The following EPHA6 variants were observed in gnomAD, a reference collection of about 807,000 sequenced individuals.
EPHA6 encodes the protein ephrin type-A receptor 6.
EPHA6 carries 50 observed loss-of-function variants against 112.0 expected under a neutral mutation model. The ratio of observed to expected loss-of-function variants is 0.45; its 90% confidence interval spans 0.36 to 0.56. The LOEUF (loss-of-function observed/expected upper bound fraction) is 0.56, where lower values mean the gene tolerates loss of function less well. Ranked by LOEUF, EPHA6 falls within the 20% of genes least tolerant of loss-of-function variation. EPHA6 has a pLI of 0.00. For synonymous variants in EPHA6, 529 were observed against 490.7 expected (o/e 1.08, Z -1.03); for missense variants, 1,280 against 1,417.4 (o/e 0.90, Z 1.56).
At chr3:97,198,506 C>T (rs1360164853) in intron 3 of EPHA6, among the ~76,000 whole-genome samples, 1 of 140,434 alleles carries the variant, frequency 7.1e-6, no homozygotes, top group African/African-American at 2.9e-5. Context: ...TTTTTGAGTC[C>T]ACGCAGACTG....
intron 5 of EPHA6, among the ~76,000 whole-genome samples, chr3:97,402,798 G>C (rs1293770462): frequency 3.3e-5 from 5 of 152,052 alleles, no homozygotes; most frequent in Admixed American, 6.5e-5. Flanking sequence ...TTTAAATGTA[G>C]TTTCTAAAGA....
chr3:97,480,041 T>A (rs2091484713), intron 9 of EPHA6, among the ~76,000 whole-genome samples: 1 of 152,178 alleles, frequency 6.6e-6, no homozygotes, highest in Non-Finnish European at 1.5e-5. Flanking sequence ...TTAACCACAG[T>A]GTAGAGATAA....
At chr3:97,536,435 C>T (rs2092765238) in intron 11 of EPHA6, among the ~76,000 whole-genome samples, 1 of 152,124 alleles carries the variant, frequency 6.6e-6, no homozygotes, top group African/African-American at 2.4e-5. Flanking sequence ...TAAAATAAAT[C>T]CTAAATCCAG....
At chr3:97,502,342 T>C (rs1372535764) in intron 10 of EPHA6, among the ~76,000 whole-genome samples, 1 of 151,606 alleles carries the variant, frequency 6.6e-6, no homozygotes, top group Non-Finnish European at 1.5e-5. Flanking sequence ...TTAATTTTTG[T>C]ATTTTTAGTA....
At chr3:97,185,665 G>A (rs991383406) in intron 3 of EPHA6, among the ~76,000 whole-genome samples, 11 of 152,010 alleles carry the variant, frequency 7.2e-5, no homozygotes, top group African/African-American at 2.7e-4. Context: ...CGATTCCTCA[G>A]GGATCTAGAA....
chr3:96,982,731 T>G (rs939158111), intron 2 of EPHA6, among the ~76,000 whole-genome samples: 10 of 151,944 alleles, frequency 6.6e-5, no homozygotes, highest in African/African-American at 1.7e-4. Context: ...TATGAATCTG[T>G]GTGCTTCTGT....
At chr3:97,239,909 T>C (rs2078792400) in intron 4 of EPHA6, among the ~76,000 whole-genome samples, 1 of 151,940 alleles carries the variant, frequency 6.6e-6, no homozygotes, top group South Asian at 2.1e-4. Flanking sequence ...AGGCTGAATA[T>C]GATGTAATAG....
intron 3 of EPHA6, among the ~76,000 whole-genome samples, chr3:96,989,427 TA>T (rs2043138258): frequency 6.6e-6 from 1 of 152,190 alleles, no homozygotes; most frequent in Non-Finnish European, 1.5e-5. Flanking sequence ...AGGTTATCAA[TA>T]TAGTTTATCA....
chr3:97,082,391 A>G (rs1424177407), intron 3 of EPHA6, among the ~76,000 whole-genome samples: 1 of 151,944 alleles, frequency 6.6e-6, no homozygotes, highest in Non-Finnish European at 1.5e-5. Context: ...ATTATATAAG[A>G]TCAGAAATGT....
chr3:97,234,235 T>G (rs1486091684), intron 4 of EPHA6, among the ~76,000 whole-genome samples: 1 of 152,090 alleles, frequency 6.6e-6, no homozygotes, highest in Non-Finnish European at 1.5e-5. Flanking sequence ...CCTAGCTGGT[T>G]TTGTTTATCT....
intron 11 of EPHA6, 46 bp downstream of exon 11, chr3:97,532,589 A>C: frequency 4.4e-5 from 65 of 1,484,278 alleles, no homozygotes; most frequent in Non-Finnish European, 5.4e-5. Context: ...CACCTATCTC[A>C]GTTTTTTTTT....
chr3:97,687,850 G>A (rs901649358), intron 14 of EPHA6, among the ~76,000 whole-genome samples: 10 of 152,134 alleles, frequency 6.6e-5, no homozygotes, highest in African/African-American at 2.4e-4. Flanking sequence ...CTCATCCTGG[G>A]ACCCAGGTTG....
intron 3 of EPHA6, among the ~76,000 whole-genome samples, chr3:97,213,646 G>A (rs78392633): frequency 0.011 from 1,727 of 151,210 alleles, 25 homozygotes; most frequent in African/African-American, 0.039. Context: ...GAGAACAATG[G>A]TAAACTTATC....
rs1448208852 is a variant in EPHA6 at position 97,753,847 on chromosome 3, G to GT, written c.*5148dup. Among the ~76,000 whole-genome samples the GT allele has an allele frequency of 2.0e-5, 3 of 151,314 alleles. No individual in the cohort carries two copies. The highest frequency in any genetic ancestry group is 2.9e-5 in the Non-Finnish European group (2 of 67,866). On this transcript the variant is annotated 3_prime_UTR_variant, in exon 18 of 18. Coordinates refer to ENST00000389672, the MANE Select transcript of EPHA6 (RefSeq NM_001080448.3). ...GTAAACACTCCATCTATTTCTTACT[G>GT]TTAAAAAAAAAGTACTGATGAGATG... is the stretch of plus-strand genomic sequence containing the variant.
intron 3 of EPHA6, among the ~76,000 whole-genome samples, chr3:97,078,080 A>G (rs2046595048): frequency 6.6e-6 from 1 of 152,010 alleles, no homozygotes; most frequent in Non-Finnish European, 1.5e-5. Flanking sequence ...TTTAATGATC[A>G]CCATTCTAAC....
rs191853175 is a variant in EPHA6, at chr3:97,321,678, G to T, written c.1606+77391G>T. Among the ~76,000 whole-genome samples, 526 of 151,228 alleles carry T rather than the reference G, an allele frequency of 3.5e-3. 5 individuals carry two copies. The highest frequency in any genetic ancestry group is 6.0e-3 in the Non-Finnish European group (408 of 67,876). The stretch of plus-strand genomic sequence containing the variant: ...GCTTTTTTAAAGTGACATTTACAGT[G>T]TGTAAAAAAAAAATAAACCAGGGAC... On this transcript the variant is annotated intron_variant, in intron 5 of 17. Transcript: ENST00000389672.
chr3:97,054,675 T>C (rs1365793224), intron 3 of EPHA6, among the ~76,000 whole-genome samples: 2 of 150,706 alleles, frequency 1.3e-5, no homozygotes, highest in African/African-American at 4.8e-5. Context: ...TAACAATCAA[T>C]AATAAGAAAG....
intron 5 of EPHA6, among the ~76,000 whole-genome samples, chr3:97,265,864 A>G (rs1343464978): frequency 1.3e-5 from 2 of 152,184 alleles, no homozygotes; most frequent in Non-Finnish European, 2.9e-5. Context: ...GCCCTAGACA[A>G]TACGTAAATG....
chr3:96,971,271 A>C (rs1179073370), intron 2 of EPHA6, among the ~76,000 whole-genome samples: 1 of 151,870 alleles, frequency 6.6e-6, no homozygotes, highest in Non-Finnish European at 1.5e-5. Flanking sequence ...AAATCTACCA[A>C]AAGTAAAACA....
Sources: gnomAD v4.1 joint callset for allele counts (sites outside exome capture counted in the v4.1 genomes callset) on GRCh38, gnomAD v4.1.1 for gene constraint, MANE v1.5 for transcripts, NCBI Gene and HGNC (gene_info 2026-07-23, HGNC 2026-07-21) for gene names.